Variants in DCC observed in about 807,000 individuals in gnomAD.
DCC encodes netrin receptor DCC.
Under a neutral mutation model 172.5 loss-of-function variants are expected in DCC, and 58 were observed. The observed-to-expected ratio is 0.34, with a 90% confidence interval of 0.27 to 0.42. The LOEUF (loss-of-function observed/expected upper bound fraction) is 0.42. Ranked by LOEUF, DCC falls within the 10% of genes least tolerant of loss-of-function variation. The probability of loss-of-function intolerance (pLI) is 1.00; values close to 1 mark genes in which losing one functional copy is unlikely to be tolerated. For missense variants in DCC, 1,740 were observed against 1,791.0 expected, an observed-to-expected ratio of 0.97 and a Z score of 0.51; for synonymous variants, 709 against 644.5, an observed-to-expected ratio of 1.10 and a Z score of -1.52.
At chr18:53,377,574 C>A (rs560257819) in intron 15 of DCC, among the ~76,000 whole-genome samples, 165 of 152,232 alleles carry the variant, frequency 1.1e-3, no homozygotes, top group African/African-American at 3.6e-3. Context: ...CCTTGAGGGA[C>A]ACATTCAAAC....
intron 27 of DCC, among the ~76,000 whole-genome samples, chr18:53,517,456 A>ATAATAT (rs751488649): frequency 1.4e-5 from 2 of 147,534 alleles, no homozygotes; most frequent in Admixed American, 1.4e-4. Flanking sequence ...AATAATAATA[A>ATAATAT]TAATAATAAT....
At chr18:53,377,978 A>AT (rs1026124625) in intron 15 of DCC, among the ~76,000 whole-genome samples, 3 of 151,960 alleles carry the variant, frequency 2.0e-5, no homozygotes, top group African/African-American at 7.2e-5. Flanking sequence ...TAATTAATTT[A>AT]TTTTTTTAAG....
At chr18:52,925,451 T>G (rs2298654) in intron 5 of DCC, 81 bp downstream of exon 5, 584,780 of 1,390,268 alleles carry the variant, frequency 0.42, 129,732 homozygotes, top group Non-Finnish European at 0.47. Flanking sequence ...ATCACTGAAT[T>G]GATTCCTATG....
chr18:52,538,556 G>A (rs1349929), intron 1 of DCC, among the ~76,000 whole-genome samples: 17,293 of 151,956 alleles, frequency 0.11, 1,231 homozygotes, highest in South Asian at 0.2. Flanking sequence ...CTTATTATTT[G>A]GTAGGTTTTG....
chr18:52,770,038 T>G (rs2037314999), intron 2 of DCC, among the ~76,000 whole-genome samples: 1 of 152,206 alleles, frequency 6.6e-6, no homozygotes, highest in Admixed American at 6.5e-5. Flanking sequence ...AGAGGAGAGT[T>G]GTCTTTTAAA....
At chr18:52,657,584 C>A (rs1873128511) in intron 1 of DCC, among the ~76,000 whole-genome samples, 1 of 152,140 alleles carries the variant, frequency 6.6e-6, no homozygotes, top group Admixed American at 6.5e-5. Context: ...CTGTCTGCTT[C>A]AAACAGATCT....
chr18:53,006,917 A>G (rs555459161), intron 5 of DCC, among the ~76,000 whole-genome samples: 1 of 152,228 alleles, frequency 6.6e-6, no homozygotes, highest in Non-Finnish European at 1.5e-5. Flanking sequence ...GGTAATGACC[A>G]TGGATTCCAA....
chr18:53,004,937 A>G (rs961541167), intron 5 of DCC, among the ~76,000 whole-genome samples: 7 of 152,344 alleles, frequency 4.6e-5, no homozygotes, highest in African/African-American at 1.2e-4. Context: ...CCTAGTAAGA[A>G]GTGATTAGGT....
intron 1 of DCC, among the ~76,000 whole-genome samples, chr18:52,428,448 A>T (rs1404037793): frequency 1.3e-5 from 2 of 152,174 alleles, no homozygotes; most frequent in East Asian, 1.9e-4. Context: ...ATCATAGAAA[A>T]AAAGGTCTTA....
At chr18:53,377,120 A>G (rs1907344908) in intron 15 of DCC, among the ~76,000 whole-genome samples, 1 of 150,946 alleles carries the variant, frequency 6.6e-6, no homozygotes, top group African/African-American at 2.5e-5. Context: ...GGTAGATAAC[A>G]CAGAGGATAC....
chr18:52,904,420 G>C (rs12963801), intron 2 of DCC, among the ~76,000 whole-genome samples: 2 of 152,006 alleles, frequency 1.3e-5, no homozygotes, highest in Non-Finnish European at 2.9e-5. Context: ...CCTTCACTTA[G>C]GGAGGGAAAG....
rs1304598836 is a variant in DCC, at chr18:53,128,866, C to CATATAT, written c.1262-28489_1262-28488insTATATA. Among the ~76,000 whole-genome samples the CATATAT allele has an allele frequency of 5.8e-5, 5 of 86,910 alleles. No individual in the cohort carries two copies. The East Asian group carries it at 1.5e-3, about 26-fold the overall frequency. The allele number at this position is 86,910 out of a possible 152,430, so 57.0% of individuals were successfully genotyped here. The stretch of plus-strand genomic sequence containing the variant: ...ACACACACACACACACACACACACA[C>CATATAT]ACACATATATATATATATATATATA... On this transcript the variant is annotated intron_variant, in intron 7 of 28. Transcript: ENST00000442544.
At chr18:52,925,088 A>G in intron 4 of DCC, 146 bp from the exon 5 acceptor site, 2 of 777,250 alleles carry the variant, frequency 2.6e-6, no homozygotes, top group South Asian at 3.0e-5. Context: ...TGGATCAATA[A>G]GTGAGACTTT....
chr18:53,494,712 G>C (rs914026307), intron 26 of DCC, among the ~76,000 whole-genome samples: 14 of 152,212 alleles, frequency 9.2e-5, no homozygotes, highest in Admixed American at 2.0e-4. Context: ...GTGCCTGCAC[G>C]TGAGATGGGT....
At chr18:52,883,055 A>AT (rs2039510378) in intron 2 of DCC, among the ~76,000 whole-genome samples, 4 of 152,170 alleles carry the variant, frequency 2.6e-5, no homozygotes, top group South Asian at 2.1e-4. Context: ...ATTTTGTCTA[A>AT]TACAAGTATA....
intron 1 of DCC, among the ~76,000 whole-genome samples, chr18:52,557,489 C>T (rs2032942322): frequency 1.3e-5 from 2 of 152,146 alleles, no homozygotes; most frequent in Non-Finnish European, 2.9e-5. Flanking sequence ...ATATAATAAT[C>T]TGCTTCCATT....
At chr18:53,021,199 G>A (rs919680418) in intron 5 of DCC, among the ~76,000 whole-genome samples, 2 of 152,210 alleles carry the variant, frequency 1.3e-5, no homozygotes, top group African/African-American at 2.4e-5. Flanking sequence ...CTGAAGGGGC[G>A]AAGAGAGAAT....
At chr18:52,669,929 T>C (rs2035522203) in intron 1 of DCC, among the ~76,000 whole-genome samples, 2 of 151,382 alleles carry the variant, frequency 1.3e-5, no homozygotes, top group South Asian at 4.2e-4. Flanking sequence ...TTAGGTCTGG[T>C]GGTCACAGAC....
At chr18:53,509,801 G>A (rs1490830519) in intron 27 of DCC, among the ~76,000 whole-genome samples, 3 of 152,126 alleles carry the variant, frequency 2.0e-5, no homozygotes, top group Admixed American at 6.5e-5. Context: ...ACCAATGTCT[G>A]TTTTTCTTTT....
Sources: allele counts gnomAD v4.1 joint callset (sites outside exome capture counted in the v4.1 genomes callset), GRCh38; gene constraint gnomAD v4.1.1; transcripts MANE v1.5; gene names NCBI Gene and HGNC (gene_info 2026-07-23, HGNC 2026-07-21).